ZFHX3: variants seen among roughly 807,000 people sequenced by gnomAD.
ZFHX3 encodes the protein zinc finger homeobox protein 3.
ZFHX3 carries 42 observed loss-of-function variants against 279.1 expected under a neutral mutation model. The ratio of observed to expected loss-of-function variants is 0.15; its 90% CI spans 0.12 to 0.19. The LOEUF (loss-of-function observed/expected upper bound fraction) is 0.19. Ranked by LOEUF, ZFHX3 falls within the 10% of genes least tolerant of loss-of-function variation. The pLI is 1.00. For missense variants in ZFHX3, 4,981 were observed against 4,754.0 expected (o/e 1.05, Z -1.40); for synonymous variants, 2,293 against 1,957.8 (o/e 1.17, Z -4.52).
At chr16:73,218,883 C>G (rs1208160402) in intron 5 of ZFHX3, among the ~76,000 whole-genome samples, 2 of 152,330 alleles carry the variant, frequency 1.3e-5, no homozygotes, top group South Asian at 4.1e-4. Context: ...GCAACCATCA[C>G]CATCTAACTC....
chr16:73,262,922 C>T lies in ZFHX3; in HGVS notation c.-1193-5786G>A, dbSNP rs1451290351. Reference sequence around the variant, plus strand: ...CCTCCCATGCCAATCAGCTGGCCGACTGCCAGACATGTGAGTGAGGGGCCC... The same window carrying T: ...CCTCCCATGCCAATCAGCTGGCCGATTGCCAGACATGTGAGTGAGGGGCCC... On this transcript the variant is annotated intron_variant, in intron 4 of 17. Coordinates refer to the ZFHX3 transcript ENST00000641206. Among the ~76,000 whole-genome samples, 5 of 152,270 alleles carry T rather than the reference C, an allele frequency of 3.3e-5. No homozygotes were observed. In the East Asian group the frequency reaches 7.7e-4, roughly 24 times the overall value.
chr16:73,114,586 G>A (rs1250494262), intron 7 of ZFHX3, among the ~76,000 whole-genome samples: 3 of 152,042 alleles, frequency 2.0e-5, no homozygotes, highest in African/African-American at 7.2e-5. Context: ...GGGTGAGCTG[G>A]GAGGATCCCT....
chr16:72,896,593 A>G (rs1340417287), intron 3 of ZFHX3, among the ~76,000 whole-genome samples: 4 of 152,340 alleles, frequency 2.6e-5, no homozygotes, highest in Non-Finnish European at 4.4e-5. Flanking sequence ...CAAACACTGA[A>G]AGTCAAAGAG....
chr16:73,055,350 G>T (rs192771087), intron 1 of ZFHX3, among the ~76,000 whole-genome samples: 1 of 152,132 alleles, frequency 6.6e-6, no homozygotes, highest in East Asian at 1.9e-4. Context: ...AGGCTCTGGT[G>T]CCTTTAAACC....
At chr16:73,188,255 C>T (rs980632581) in intron 5 of ZFHX3, among the ~76,000 whole-genome samples, 1 of 152,046 alleles carries the variant, frequency 6.6e-6, no homozygotes, top group Non-Finnish European at 1.5e-5. Flanking sequence ...AGTGCAGTGA[C>T]ACAATCTTAC....
chr16:72,999,448 T>A (rs1597073381), intron 1 of ZFHX3, among the ~76,000 whole-genome samples: 1 of 152,324 alleles, frequency 6.6e-6, no homozygotes, highest in South Asian at 2.1e-4. Flanking sequence ...TGAGCCAACA[T>A]GCCTGGATAC....
At chr16:73,338,196 G>A (rs564559330) in intron 3 of ZFHX3, among the ~76,000 whole-genome samples, 8 of 152,058 alleles carry the variant, frequency 5.3e-5, no homozygotes, top group African/African-American at 1.4e-4. Flanking sequence ...CAAGTGTCAC[G>A]TGGACCCTCA....
chr16:73,325,979 G>A lies in ZFHX3; in HGVS notation c.-1290-7643C>T, dbSNP rs574514472. Among the ~76,000 whole-genome samples the A allele has an allele frequency of 2.3e-4, 34 of 150,692 alleles. 1 individual carries two copies. In the South Asian group the frequency reaches 7.1e-3, roughly 31 times the overall value. ...GGAGAGTATACTGAGGAGGTCAGCTGAGGCTATATCGTGAGAGCCTCATGT... is the reference window on the plus strand; with the variant it reads ...GGAGAGTATACTGAGGAGGTCAGCTAAGGCTATATCGTGAGAGCCTCATGT... On this transcript the variant is annotated intron_variant, in intron 3 of 17. Coordinates refer to the ZFHX3 transcript ENST00000641206.
rs185146047 is a variant in ZFHX3 at position 73,720,072 on chromosome 16, T to C, written c.-1607-39832A>G. ...AAATAAGGTTCACAAAGGAGAAATATAATGGACCAATAAGTACTAATAATC... is the reference window on the plus strand; with the variant it reads ...AAATAAGGTTCACAAAGGAGAAATACAATGGACCAATAAGTACTAATAATC... On this transcript the variant is annotated intron_variant, in intron 1 of 17. Transcript: ENST00000641206. Among the ~76,000 whole-genome samples the C allele has an allele frequency of 4.3e-3, 658 of 152,260 alleles. 4 individuals carry two copies. The highest frequency in any genetic ancestry group is 0.015 in the African/African-American group (632 of 41,534).
At chr16:73,567,506 C>A (rs2020468248) in intron 2 of ZFHX3, among the ~76,000 whole-genome samples, 1 of 152,206 alleles carries the variant, frequency 6.6e-6, no homozygotes. Flanking sequence ...AACACCAGCC[C>A]TCTTCAACTG....
intron 3 of ZFHX3, among the ~76,000 whole-genome samples, chr16:72,913,621 C>T (rs1249969354): frequency 6.6e-6 from 1 of 152,186 alleles, no homozygotes. Flanking sequence ...GGTAAGTTAA[C>T]ACTTTTCTTT....
intron 3 of ZFHX3, among the ~76,000 whole-genome samples, chr16:73,345,955 C>T (rs912903419): frequency 6.6e-6 from 1 of 152,114 alleles, no homozygotes; most frequent in Non-Finnish European, 1.5e-5. Context: ...GAAACTAAGC[C>T]ATAAAGACGC....
intron 3 of ZFHX3, among the ~76,000 whole-genome samples, chr16:73,340,087 T>G (rs1567454954): frequency 6.6e-6 from 1 of 152,098 alleles, no homozygotes; most frequent in Non-Finnish European, 1.5e-5. Flanking sequence ...TCAGGGAGAC[T>G]CACGGAGGTA....
intron 1 of ZFHX3, among the ~76,000 whole-genome samples, chr16:73,702,110 A>T (rs2053254259): frequency 6.6e-6 from 1 of 152,106 alleles, no homozygotes; most frequent in Non-Finnish European, 1.5e-5. Flanking sequence ...CGTGAGCAGC[A>T]ATTTCTTTAA....
chr16:72,797,956 C>T lies in ZFHX3; in HGVS notation c.4726G>A (p.Ala1576Thr), dbSNP rs1352712918. Residue 1576 changes from alanine (A) to threonine (T), a missense_variant, in exon 9 of 10, where the codon GCC (alanine) becomes ACC (threonine). Coordinates refer to ENST00000268489, the MANE Select transcript of ZFHX3 (RefSeq NM_006885.4). ...SVSHLHKLKR[A>T]LQESATGQPE... Reference sequence around the variant, plus strand: ...TGACCGGTTGCTGATTCTTGAAGGGCTCTCTTTAACTTATGCAGGTGGGAG... The same window carrying T: ...TGACCGGTTGCTGATTCTTGAAGGGTTCTCTTTAACTTATGCAGGTGGGAG... 1 of 1,614,180 alleles carries T rather than the reference C, an allele frequency of 6.2e-7. No homozygotes were observed. The highest frequency in any genetic ancestry group is 8.5e-7 in the Non-Finnish European group (1 of 1,180,022).
chr16:73,481,137 C>T (rs529654146), intron 2 of ZFHX3, among the ~76,000 whole-genome samples: 34 of 152,050 alleles, frequency 2.2e-4, no homozygotes, highest in African/African-American at 7.7e-4. Flanking sequence ...GAGACCAGCC[C>T]GGCCAACATG....
intron 5 of ZFHX3, among the ~76,000 whole-genome samples, chr16:73,253,950 G>A (rs1489670544): frequency 6.6e-6 from 1 of 152,160 alleles, no homozygotes; most frequent in Non-Finnish European, 1.5e-5. Flanking sequence ...GGCCTTGGAG[G>A]TGTCCAGTTC....
intron 4 of ZFHX3, among the ~76,000 whole-genome samples, chr16:73,261,953 G>C (rs1338221468): frequency 6.6e-6 from 1 of 152,176 alleles, no homozygotes; most frequent in Admixed American, 6.5e-5. Flanking sequence ...GGGATTACAG[G>C]CGTGAGCTAC....
At chr16:73,680,537 C>T (rs2052999383) in intron 1 of ZFHX3, among the ~76,000 whole-genome samples, 1 of 152,152 alleles carries the variant, frequency 6.6e-6, no homozygotes. Flanking sequence ...TTAACCAATA[C>T]ATTTTTAATA....
Sources: allele counts gnomAD v4.1 joint callset (sites outside exome capture counted in the v4.1 genomes callset), GRCh38; gene constraint gnomAD v4.1.1; transcripts MANE v1.5; gene names NCBI Gene and HGNC (gene_info 2026-07-23, HGNC 2026-07-21).